The following ASH1L variants were observed in gnomAD, a reference collection of about 807,000 sequenced individuals.
The protein encoded by ASH1L is ASH1 like histone lysine methyltransferase.
In ASH1L, 23 loss-of-function variants were observed where a neutral mutation model predicts 269.0. The observed-to-expected ratio is 0.09, with a 90% CI of 0.06 to 0.12. The LOEUF (loss-of-function observed/expected upper bound fraction) is 0.12. Ranked by LOEUF, ASH1L falls within the 10% of genes least tolerant of loss-of-function variation. The probability of loss-of-function intolerance (pLI) is 1.00; values close to 1 mark genes in which losing one functional copy is unlikely to be tolerated. For missense variants in ASH1L, 2,912 were observed against 3,567.8 expected (o/e 0.82, Z 4.68); for synonymous variants, 1,187 against 1,253.5 (o/e 0.95, Z 1.12).
intron 1 of ASH1L, among the ~76,000 whole-genome samples, chr1:155,522,439 C>T (rs1009085336): frequency 2.0e-5 from 3 of 152,172 alleles, no homozygotes; most frequent in South Asian, 4.1e-4. Context: ...AATATTTATA[C>T]AAATAATCAC....
rs1665696347 is a variant in ASH1L, at chr1:155,478,120, G to A, written c.4750C>T (p.Pro1584Ser). 2 of 1,614,122 alleles carry A rather than the reference G, an allele frequency of 1.2e-6. No individual in the cohort carries two copies. Among genetic ancestry groups the A allele is most frequent in the Non-Finnish European group, 1.7e-6 (2 of 1,180,038 alleles). Residue 1584 changes from proline (P) to serine (S), a missense_variant, in exon 3 of 28, where the codon CCA becomes TCA. By Grantham distance (74) the Pro-to-Ser change is moderately conservative. Coordinates refer to ENST00000392403, the MANE Select transcript of ASH1L (RefSeq NM_018489.3). This position sits in a 1 kb window ranked among gnomAD's most constrained non-coding sequence, Gnocchi z 4.6. The stretch of plus-strand genomic sequence containing the variant: ...GTGAATCCTCCAAGGGATAAGCTTG[G>A]AGAACTTTCTGAACAGTCAATCTGT... ...PLQIDCSESSPSLSLGGFTPN... is the reference protein window; with the variant it reads ...PLQIDCSESSSSLSLGGFTPN...
intron 2 of ASH1L, among the ~76,000 whole-genome samples, chr1:155,516,365 G>A (rs1419017629): frequency 6.6e-6 from 1 of 152,072 alleles, no homozygotes; most frequent in East Asian, 1.9e-4. Flanking sequence ...AAATACCTGA[G>A]GCATATATTA....
chr1:155,395,072 G>C (rs967177373), intron 7 of ASH1L, among the ~76,000 whole-genome samples: 1 of 152,088 alleles, frequency 6.6e-6, no homozygotes, highest in Non-Finnish European at 1.5e-5. Context: ...GAGTGGCTGG[G>C]ACTACAGACC....
intron 12 of ASH1L, among the ~76,000 whole-genome samples, chr1:155,369,442 G>A (rs1433962483): frequency 1.4e-5 from 2 of 147,750 alleles, no homozygotes; most frequent in Non-Finnish European, 3.0e-5. Flanking sequence ...GCGAGACTCC[G>A]TCTCAAAAAA....
upstream of ASH1L, chr1:155,563,004 C>A (rs1341168892): frequency 2.2e-6 from 1 of 458,148 alleles, no homozygotes; most frequent in Non-Finnish European, 4.4e-6. Context: ...AGGGACGGGC[C>A]GAGCGGGTCG....
At chr1:155,428,668 T>C (rs150900974) in intron 5 of ASH1L, among the ~76,000 whole-genome samples, 2,353 of 152,216 alleles carry the variant, frequency 0.015, 31 homozygotes, top group Middle Eastern at 0.027. Context: ...CCACAAACAA[T>C]AGCATGAGCG....
intron 7 of ASH1L, among the ~76,000 whole-genome samples, chr1:155,381,758 C>A (rs1398890402): frequency 6.6e-6 from 1 of 150,712 alleles, no homozygotes; most frequent in Non-Finnish European, 1.5e-5. Flanking sequence ...GCCTGTAATC[C>A]CAGCTACTTG....
intron 2 of ASH1L, among the ~76,000 whole-genome samples, chr1:155,500,867 C>G (rs1344592428): frequency 6.6e-6 from 1 of 152,152 alleles, no homozygotes; most frequent in Non-Finnish European, 1.5e-5. Context: ...ACTCAGGAGA[C>G]TGAGGCATGA....
Position 155,343,502 on chromosome 1 carries a change from A to C in ASH1L, c.8121-16T>G. ...CCGTTCCTCTCTAAAACAATGGAAA[A>C]GTGAGAAGGGAGAGGTTTAGCTGAT... On this transcript the variant is annotated splice_polypyrimidine_tract_variant and intron_variant, in intron 23 of 27. Coordinates refer to ENST00000392403, the MANE Select transcript of ASH1L (RefSeq NM_018489.3). The surrounding 1 kb of genome is among the most constrained non-coding windows in gnomAD (Gnocchi z 6.1). 1 of 1,613,504 alleles carries C rather than the reference A, an allele frequency of 6.2e-7. No individual in the cohort carries two copies. Among genetic ancestry groups the C allele is most frequent in the East Asian group, 2.2e-5 (1 of 44,882 alleles).
chr1:155,551,427 G>C (rs1008759085), intron 1 of ASH1L, among the ~76,000 whole-genome samples: 2 of 149,186 alleles, frequency 1.3e-5, no homozygotes, highest in African/African-American at 4.9e-5. Flanking sequence ...TTGGGAGGCC[G>C]AGGCGGGCGG....
chr1:155,522,825 T>C (rs1668980381), intron 1 of ASH1L, among the ~76,000 whole-genome samples: 1 of 152,022 alleles, frequency 6.6e-6, no homozygotes, highest in South Asian at 2.1e-4. Context: ...TAGCTGGCAT[T>C]ACAGGCACAA....
chr1:155,516,178 C>G (rs1368565884), intron 2 of ASH1L, among the ~76,000 whole-genome samples: 1 of 151,928 alleles, frequency 6.6e-6, no homozygotes, highest in Non-Finnish European at 1.5e-5. Context: ...TGTATGTAAC[C>G]TATTCAGTAA....
chr1:155,446,788 AT>A (rs933949715), intron 4 of ASH1L, among the ~76,000 whole-genome samples: 2 of 148,848 alleles, frequency 1.3e-5, no homozygotes, highest in African/African-American at 5.0e-5. Flanking sequence ...CGCCCGGCTA[AT>A]TTTTTTTGTA....
chr1:155,544,910 C>T (rs1670683325), intron 1 of ASH1L, among the ~76,000 whole-genome samples: 1 of 151,828 alleles, frequency 6.6e-6, no homozygotes, highest in South Asian at 2.1e-4. Context: ...CAGTGGCCCA[C>T]GCCTGTAATT....
rs1292544477 is a variant in ASH1L at position 155,562,419 on chromosome 1, G to GGCGGGA, written c.-372_-367dup. 3.4e-6 allele frequency: 5 copies of GGCGGGA among 1,480,356 alleles called. No homozygotes were observed. Among genetic ancestry groups the GGCGGGA allele is most frequent in the African/African-American group, 1.4e-5 (1 of 71,608 alleles). 91.7% of individuals were successfully genotyped at this position (1,480,356 alleles called of 1,614,324 possible). On this transcript the variant is annotated 5_prime_UTR_variant, in exon 1 of 28. Transcript: ENST00000392403. ...CTCCGCAAAGCGAACCCAAAATGGC[G>GGCGGGA]GCGGGAGCGGCGGCGGCGGCGGCGG...
chr1:155,421,991 T>A (rs1660723436), intron 5 of ASH1L, among the ~76,000 whole-genome samples: 1 of 152,140 alleles, frequency 6.6e-6, no homozygotes, highest in African/African-American at 2.4e-5. Context: ...ACAGAATAAC[T>A]GATCCTATTA....
At position 155,480,148 on chromosome 1, in the gene ASH1L, G is replaced by A. The variant is rs771781834; in HGVS notation, c.2722C>T (p.Leu908=). The change falls in exon 3 of 28, where the codon CTG becomes TTG. Residue 908 remains leucine (L), a synonymous_variant. Coordinates refer to ENST00000392403, the MANE Select transcript of ASH1L (RefSeq NM_018489.3). ...RSPVKMKPPV[L]SVAPFVATES... ...GTGGCAACAAATGGAGCCACTGACA[G>A]TACAGGTGGCTTCATCTTGACTGGT... The A allele has an allele frequency of 1.9e-5, 30 of 1,614,038 alleles. No homozygotes were observed. Among genetic ancestry groups the A allele is most frequent in the Non-Finnish European group, 2.5e-5 (29 of 1,180,020 alleles).
chr1:155,537,352 T>A (rs1290523035), intron 1 of ASH1L, among the ~76,000 whole-genome samples: 1 of 151,626 alleles, frequency 6.6e-6, no homozygotes, highest in Non-Finnish European at 1.5e-5. Context: ...AACATTTATC[T>A]ATCTTAGTCC....
intron 1 of ASH1L, among the ~76,000 whole-genome samples, chr1:155,541,674 T>TA (rs1670438104): frequency 6.6e-6 from 1 of 152,190 alleles, no homozygotes; most frequent in South Asian, 2.1e-4. Context: ...TAAATCTAGT[T>TA]AGTTTCATAT....
Sources: gnomAD v4.1 joint callset for allele counts (sites outside exome capture counted in the v4.1 genomes callset) on GRCh38, gnomAD v4.1.1 for gene constraint, Gnocchi (gnomAD v3.1) non-coding constraint, MANE v1.5 for transcripts, NCBI Gene and HGNC (gene_info 2026-07-23, HGNC 2026-07-21) for gene names.